Variants in RANBP2 observed in about 807,000 individuals in gnomAD.
RANBP2 encodes RAN binding protein 2.
Under a neutral mutation model 303.6 loss-of-function variants are expected in RANBP2, and 57 were observed. That is an observed-to-expected ratio of 0.19 (90% CI 0.15 to 0.23). The LOEUF is 0.23. Among genes scored for constraint, RANBP2 ranks in the 10% least tolerant of loss-of-function variants. The pLI is 1.00. For synonymous variants in RANBP2, 1,167 were observed against 1,301.5 expected, an observed-to-expected ratio of 0.90 and a Z score of 2.23; for missense variants, 3,138 against 3,780.8, an observed-to-expected ratio of 0.83 and a Z score of 4.46.
chr2:108,851,763 T>C, the RANBP2 span, among the ~76,000 whole-genome samples: 10 of 152,140 alleles, frequency 6.6e-5, no homozygotes, highest in African/African-American at 2.4e-4. Context: ...CAGGAGAAGG[T>C]CAGAGACCTT....
the RANBP2 span, among the ~76,000 whole-genome samples, chr2:109,525,125 T>G: frequency 6.6e-5 from 10 of 150,532 alleles, no homozygotes; most frequent in African/African-American, 2.0e-4. Flanking sequence ...TCAGCAAATA[T>G]CCCTTGACAT....
chr2:109,386,677 G>C, the RANBP2 span, among the ~76,000 whole-genome samples: 2 of 152,162 alleles, frequency 1.3e-5, no homozygotes, highest in African/African-American at 4.8e-5. Flanking sequence ...CAGGATCCTG[G>C]CATCTCCCTC....
chr2:108,840,375 T>A, the RANBP2 span, among the ~76,000 whole-genome samples: 1 of 152,206 alleles, frequency 6.6e-6, no homozygotes, highest in Admixed American at 6.5e-5. Flanking sequence ...TCTTATCCTT[T>A]ATATTTTCTG....
At chr2:109,093,390 C>T in the RANBP2 span, among the ~76,000 whole-genome samples, 29 of 131,084 alleles carry the variant, frequency 2.2e-4, no homozygotes, top group Middle Eastern at 5.2e-3. Context: ...CTCTAAACCA[C>T]GTTTGCGGAG....
At chr2:109,384,511 T>C in the RANBP2 span, among the ~76,000 whole-genome samples, 10,740 of 151,192 alleles carry the variant, frequency 0.071, 960 homozygotes, top group African/African-American at 0.21. Flanking sequence ...GGGGTTGGGG[T>C]CAGAGGGGCA....
At chr2:108,998,676 C>G in the RANBP2 span, among the ~76,000 whole-genome samples, 1 of 152,202 alleles carries the variant, frequency 6.6e-6, no homozygotes, top group African/African-American at 2.4e-5. Flanking sequence ...ATGAAGGCAC[C>G]CTCTCACTGG....
At chr2:109,090,517 C>T in the RANBP2 span, among the ~76,000 whole-genome samples, 6 of 152,148 alleles carry the variant, frequency 3.9e-5, no homozygotes, top group Admixed American at 2.6e-4. Context: ...CTCCTCATGA[C>T]GAGCATCGAG....
chr2:109,239,398 A>G, the RANBP2 span, among the ~76,000 whole-genome samples: 3 of 152,212 alleles, frequency 2.0e-5, no homozygotes, highest in Non-Finnish European at 2.9e-5. Context: ...AATGAACTGA[A>G]TAAGAATAAG....
the RANBP2 span, among the ~76,000 whole-genome samples, chr2:109,291,226 A>G: frequency 6.6e-6 from 1 of 152,232 alleles, no homozygotes; most frequent in South Asian, 2.1e-4. Flanking sequence ...TTATGGAGAA[A>G]TGCCAGAAAG....
At position 108,765,271 on chromosome 2, in the gene RANBP2, G is replaced by A. The variant is rs775467593; in HGVS notation, c.4732G>A (p.Val1578Ile). The A allele has an allele frequency of 6.2e-7, 1 of 1,613,736 alleles. No homozygotes were observed. The highest frequency in any genetic ancestry group is 1.3e-5 in the African/African-American group (1 of 74,900). Residue 1578 changes from valine (V) to isoleucine (I), a missense_variant, in exon 20 of 29, where the codon GTT becomes ATT. This residue lies in a region of RANBP2 where 388 missense variants were observed against 328.5 expected (regional missense o/e 1.18). Coordinates refer to ENST00000283195, the MANE Select transcript of RANBP2 (RefSeq NM_006267.5). ...GGATAAACCAAGTCCATCTACTTCTGTTCCAGCTCCTGCCTCTTTTAAGTT... is the reference window on the plus strand; with the variant it reads ...GGATAAACCAAGTCCATCTACTTCTATTCCAGCTCCTGCCTCTTTTAAGTT... ...NPDKPSPSTS[V>I]PAPASFKFGT...
the RANBP2 span, chr2:108,929,295 A>G: frequency 5.6e-6 from 9 of 1,614,050 alleles, no homozygotes; most frequent in Non-Finnish European, 7.6e-6. Flanking sequence ...TGACGCCTGC[A>G]TATCTGGTAG....
intron 25 of RANBP2, among the ~76,000 whole-genome samples, chr2:108,780,175 C>CTTTTTTTTT (rs369949318): frequency 7.1e-6 from 1 of 140,514 alleles, no homozygotes; most frequent in Non-Finnish European, 1.6e-5. Flanking sequence ...AATTTACTAG[C>CTTTTTTTTT]TTTTTTTTTT....
At chr2:108,757,906 A>G (rs1205835521) in intron 17 of RANBP2, among the ~76,000 whole-genome samples, 1 of 152,226 alleles carries the variant, frequency 6.6e-6, no homozygotes, top group African/African-American at 2.4e-5. Flanking sequence ...GTATTAATAA[A>G]TGAAAATGGG....
At chr2:109,564,426 C>T in the RANBP2 span, 19 of 1,598,262 alleles carry the variant, frequency 1.2e-5, no homozygotes, top group Admixed American at 1.7e-5. Context: ...TTTGCAGCGC[C>T]TGTAAAGCTC....
At chr2:109,405,931 T>C in the RANBP2 span, among the ~76,000 whole-genome samples, 4 of 152,214 alleles carry the variant, frequency 2.6e-5, no homozygotes. Context: ...CATTCCTCAC[T>C]GGATGGTCTT....
chr2:109,407,114 T>C, the RANBP2 span, among the ~76,000 whole-genome samples: 4 of 152,196 alleles, frequency 2.6e-5, no homozygotes, highest in African/African-American at 9.6e-5. Flanking sequence ...GCAGGGGCTC[T>C]TGCTGGGTCC....
chr2:109,621,785 C>T, the RANBP2 span, among the ~76,000 whole-genome samples: 2 of 152,092 alleles, frequency 1.3e-5, no homozygotes, highest in African/African-American at 4.8e-5. Context: ...TAGTGGTGGG[C>T]ACATGTAATC....
At chr2:109,287,404 T>C in the RANBP2 span, among the ~76,000 whole-genome samples, 5 of 152,188 alleles carry the variant, frequency 3.3e-5, no homozygotes, top group Non-Finnish European at 5.9e-5. Context: ...ATCTGTGGGC[T>C]TACAGTGACA....
chr2:109,605,763 T>C, the RANBP2 span: 1 of 152,224 alleles, frequency 6.6e-6, no homozygotes, highest in Admixed American at 6.5e-5. Context: ...AAACTGTAAA[T>C]TATAATTCTT....
Sources: allele counts gnomAD v4.1 joint callset (sites outside exome capture counted in the v4.1 genomes callset), GRCh38; gene constraint gnomAD v4.1.1; regional missense constraint gnomAD v4.1.1; transcripts MANE v1.5; gene names NCBI Gene and HGNC (gene_info 2026-07-23, HGNC 2026-07-21).